The following RAB11A variants were observed in gnomAD, a reference collection of about 807,000 sequenced individuals.
RAB11A encodes RAB11A, member RAS oncogene family.
RAB11A carries 9 observed loss-of-function variants against 28.0 expected under a neutral mutation model. The ratio of observed to expected loss-of-function variants is 0.32; its 90% CI spans 0.19 to 0.56. The LOEUF (loss-of-function observed/expected upper bound fraction) is 0.56, where lower values mean the gene tolerates loss of function less well. Ranked by LOEUF, RAB11A falls within the 20% of genes least tolerant of loss-of-function variation. The probability of loss-of-function intolerance (pLI) is 0.91; values close to 1 mark genes in which losing one functional copy is unlikely to be tolerated. For missense variants in RAB11A, 108 were observed against 269.6 expected (o/e 0.40, Z 4.20); for synonymous variants, 85 against 88.2 (o/e 0.96, Z 0.20).
intron 1 of RAB11A, among the ~76,000 whole-genome samples, chr15:65,875,007 C>T (rs772242576): frequency 1.5e-4 from 23 of 152,106 alleles, no homozygotes; most frequent in Non-Finnish European, 2.2e-4. Context: ...CTGCTTGTGC[C>T]GTGGCACTCC....
At chr15:65,882,245 A>G (rs959763380) in intron 4 of RAB11A, among the ~76,000 whole-genome samples, 2 of 152,188 alleles carry the variant, frequency 1.3e-5, no homozygotes, top group African/African-American at 4.8e-5. Flanking sequence ...ATCAGAGATC[A>G]CTGCATGTGG....
chr15:65,870,387 G>A (rs2078152369), intron 1 of RAB11A, among the ~76,000 whole-genome samples: 1 of 152,192 alleles, frequency 6.6e-6, no homozygotes, highest in Non-Finnish European at 1.5e-5. Context: ...AGGGTAAGAG[G>A]GATCGCCCAT....
In RAB11A at chr15:65,887,846, T is replaced by A; in HGVS notation, c.*6T>A. ...AGTGCTGTCAGAACATCTAAGGCAT[T>A]TCTCTTCTCCCCTAGAAGGCTGTGT... is the stretch of plus-strand genomic sequence containing the variant. On this transcript the variant is annotated 3_prime_UTR_variant, in exon 5 of 5. Transcript: ENST00000261890. The A allele has an allele frequency of 6.2e-7, 1 of 1,602,352 alleles. No individual in the cohort carries two copies. The highest frequency in any genetic ancestry group is 8.5e-7 in the Non-Finnish European group (1 of 1,175,716).
At chr15:65,886,146 G>C (rs2078254459) in intron 4 of RAB11A, among the ~76,000 whole-genome samples, 1 of 152,118 alleles carries the variant, frequency 6.6e-6, no homozygotes, top group Non-Finnish European at 1.5e-5. Context: ...GAGACCTTGA[G>C]GCTTCTTTAG....
chr15:65,872,559 C>T (rs1220010056), intron 1 of RAB11A, among the ~76,000 whole-genome samples: 10 of 151,572 alleles, frequency 6.6e-5, no homozygotes, highest in Admixed American at 1.3e-4. Context: ...CTCAGTCTCC[C>T]GAGTAGCTGG....
chr15:65,869,859 C>T (rs1365576305), intron 1 of RAB11A, among the ~76,000 whole-genome samples: 2 of 152,216 alleles, frequency 1.3e-5, no homozygotes, highest in South Asian at 2.1e-4. Context: ...GCCTCAGAGC[C>T]CCTCCCTGCG....
At chr15:65,876,639 TCCTAATACCC>T (rs2078193022) in intron 1 of RAB11A, among the ~76,000 whole-genome samples, 2 of 152,198 alleles carry the variant, frequency 1.3e-5, no homozygotes, top group Non-Finnish European at 2.9e-5. Flanking sequence ...ATTATTAGTT[TCCTAATACCC>T]CCTGTTTATC....
chr15:65,874,746 C>T (rs2141101792), intron 1 of RAB11A, among the ~76,000 whole-genome samples: 1 of 152,058 alleles, frequency 6.6e-6, no homozygotes, highest in South Asian at 2.1e-4. Flanking sequence ...GAAACCAAAA[C>T]TTGAAAGTGC....
chr15:65,875,536 A>G (rs947496158), intron 1 of RAB11A, among the ~76,000 whole-genome samples: 1 of 152,222 alleles, frequency 6.6e-6, no homozygotes, highest in African/African-American at 2.4e-5. Context: ...CTGATATCAA[A>G]TAAAAGCATG....
intron 4 of RAB11A, among the ~76,000 whole-genome samples, chr15:65,886,733 C>T (rs1308104286): frequency 6.6e-6 from 1 of 152,198 alleles, no homozygotes; most frequent in Non-Finnish European, 1.5e-5. Context: ...TATCACAACA[C>T]ATGTTATATG....
intron 4 of RAB11A, 119 bp downstream of exon 4, chr15:65,879,870 A>C: frequency 1.3e-6 from 1 of 750,700 alleles, no homozygotes; most frequent in Non-Finnish European, 2.1e-6. Context: ...TTTGAGAGCT[A>C]CTCTAGCAAA....
At position 65,887,898 on chromosome 15, in the gene RAB11A, T is replaced by C; in HGVS notation, c.*58T>C. 1 of 1,404,216 alleles carries C rather than the reference T, an allele frequency of 7.1e-7. No homozygotes were observed. The highest frequency in any genetic ancestry group is 9.4e-7 in the Non-Finnish European group (1 of 1,064,166). The allele number at this position is 1,404,216 out of a possible 1,614,324, so 87.0% of individuals were successfully genotyped here. On this transcript the variant is annotated 3_prime_UTR_variant, in exon 5 of 5. Coordinates refer to ENST00000261890, the MANE Select transcript of RAB11A (RefSeq NM_004663.5). ...TAGTCCATTTCCCAGGTCTGAGATT[T>C]AAATATATTTGTAATTCTTGTGTCA...
In RAB11A at chr15:65,889,980, A is replaced by G. The variant is rs1208436653; in HGVS notation, c.*2140A>G. 1 of 152,130 alleles carries G rather than the reference A, an allele frequency of 6.6e-6. No individual in the cohort carries two copies. The highest frequency in any genetic ancestry group is 2.4e-5 in the African/African-American group (1 of 41,406). 9.4% of individuals were successfully genotyped at this position (152,130 alleles called of 1,614,324 possible). On this transcript the variant is annotated 3_prime_UTR_variant, in exon 5 of 5. Coordinates refer to ENST00000261890, the MANE Select transcript of RAB11A (RefSeq NM_004663.5). ...AGCAAGAAACAATAAATTTTTAAATATTATGACAGTTCAGGGCTTAAGGCA... is the reference window on the plus strand; with the variant it reads ...AGCAAGAAACAATAAATTTTTAAATGTTATGACAGTTCAGGGCTTAAGGCA...
At chr15:65,870,242 C>A (rs1228750355) in intron 1 of RAB11A, among the ~76,000 whole-genome samples, 1 of 152,262 alleles carries the variant, frequency 6.6e-6, no homozygotes, top group Non-Finnish European at 1.5e-5. Context: ...ACCCTCCGCC[C>A]CGCGGTTCTC....
At chr15:65,878,535 C>T (rs963916024) in intron 3 of RAB11A, among the ~76,000 whole-genome samples, 3 of 152,066 alleles carry the variant, frequency 2.0e-5, no homozygotes, top group African/African-American at 7.2e-5. Context: ...TACAAAAAAC[C>T]GGGCGCGGTG....
intron 3 of RAB11A, among the ~76,000 whole-genome samples, chr15:65,878,573 G>A (rs1267444148): frequency 6.6e-6 from 1 of 152,182 alleles, no homozygotes; most frequent in Non-Finnish European, 1.5e-5. Flanking sequence ...CAGCTACTCG[G>A]GAGGCTGAGG....
At chr15:65,882,011 A>G (rs2078226251) in intron 4 of RAB11A, among the ~76,000 whole-genome samples, 1 of 151,936 alleles carries the variant, frequency 6.6e-6, no homozygotes, top group Non-Finnish European at 1.5e-5. Flanking sequence ...AGATCATGCC[A>G]CTGCACTCCA....
At position 65,878,677 on chromosome 15, in the gene RAB11A, C is replaced by CA. The variant is rs1332126299; in HGVS notation, c.430+729dup. On this transcript the variant is annotated intron_variant, in intron 3 of 4. Transcript: ENST00000261890. ...TGGGCGAAAGAGCGAGACTCCGTCC[C>CA]AAAAAAACAAAACAAAACAAACAAA... 5.3e-5 allele frequency among the ~76,000 whole-genome samples: 8 copies of CA among 152,076 alleles called. No individual in the cohort carries two copies. In the East Asian group the frequency reaches 1.5e-3, roughly 29 times the overall value.
chr15:65,891,719 A>G lies in RAB11A; in HGVS notation c.*3879A>G, dbSNP rs2078298061. On this transcript the variant is annotated 3_prime_UTR_variant, in exon 5 of 5. Coordinates refer to ENST00000261890, the MANE Select transcript of RAB11A (RefSeq NM_004663.5). ...GTGGAATGTTTTTGGTCTTATCACA[A>G]TAACCTGATTAAAATGGTGCCTTTA... The G allele has an allele frequency of 6.6e-6, 1 of 152,254 alleles. No homozygotes were observed. Among genetic ancestry groups the G allele is most frequent in the African/African-American group, 2.4e-5 (1 of 41,470 alleles). The allele number at this position is 152,254 out of a possible 1,614,324, so 9.4% of individuals were successfully genotyped here. A position where few individuals can be genotyped will look rare whatever the true frequency, so the allele number is the denominator to read the frequency against.
Sources: allele counts gnomAD v4.1 joint callset (sites outside exome capture counted in the v4.1 genomes callset), GRCh38; gene constraint gnomAD v4.1.1; transcripts MANE v1.5; gene names NCBI Gene and HGNC (gene_info 2026-07-23, HGNC 2026-07-21).